The following NEGR1 variants were observed in gnomAD, a reference collection of about 807,000 sequenced individuals.
The protein encoded by NEGR1 is neuronal growth regulator 1, also known as IgLON family member 4.
Under a neutral mutation model 40.9 loss-of-function variants are expected in NEGR1, and 10 were observed. The ratio of observed to expected loss-of-function variants is 0.24; its 90% CI spans 0.15 to 0.42. The LOEUF (loss-of-function observed/expected upper bound fraction) is 0.42. Ranked by LOEUF, NEGR1 falls within the 10% of genes least tolerant of loss-of-function variation. The probability of loss-of-function intolerance (pLI) is 1.00; values close to 1 mark genes in which losing one functional copy is unlikely to be tolerated. For synonymous variants in NEGR1, 185 were observed against 166.8 expected (o/e 1.11, Z -0.84); for missense variants, 352 against 438.9 (o/e 0.80, Z 1.77).
At chr1:71,937,213 A>T (rs1645914161) in intron 1 of NEGR1, among the ~76,000 whole-genome samples, 1 of 152,178 alleles carries the variant, frequency 6.6e-6, no homozygotes, top group South Asian at 2.1e-4. Flanking sequence ...GTTAATTGAA[A>T]AGCTTGTCCT....
chr1:71,493,948 C>T (rs1291940887), intron 6 of NEGR1, among the ~76,000 whole-genome samples: 3 of 152,108 alleles, frequency 2.0e-5, no homozygotes, highest in Non-Finnish European at 4.4e-5. Context: ...TTCACATTTC[C>T]AATTCTTTCC....
At chr1:72,072,620 G>A (rs1432288400) in intron 1 of NEGR1, among the ~76,000 whole-genome samples, 2 of 152,020 alleles carry the variant, frequency 1.3e-5, no homozygotes, top group Non-Finnish European at 2.9e-5. Context: ...AATAAAAGCT[G>A]AGAAAAAAAT....
At chr1:71,617,360 T>TA (rs374045827) in intron 4 of NEGR1, among the ~76,000 whole-genome samples, 49 of 152,230 alleles carry the variant, frequency 3.2e-4, no homozygotes, top group African/African-American at 1.1e-3. Context: ...ATCACTGTGG[T>TA]ACACAATCTA....
chr1:71,742,712 C>A (rs1655252607), intron 3 of NEGR1, among the ~76,000 whole-genome samples: 1 of 152,132 alleles, frequency 6.6e-6, no homozygotes, highest in Non-Finnish European at 1.5e-5. Flanking sequence ...TTCAGTCACA[C>A]CCGTAACTGA....
intron 1 of NEGR1, chr1:72,275,218 A>T (rs1570213213): frequency 3.4e-6 from 2 of 592,880 alleles, no homozygotes; most frequent in East Asian, 5.6e-5. Context: ...AAATATCAAA[A>T]AATTTCTATT....
At chr1:71,431,618 T>C (rs1646470335) in intron 6 of NEGR1, among the ~76,000 whole-genome samples, 3 of 152,092 alleles carry the variant, frequency 2.0e-5, no homozygotes, top group African/African-American at 7.2e-5. Flanking sequence ...ATATAATGTA[T>C]ACTGGGTAAT....
chr1:72,128,448 A>G (rs1009590986), intron 1 of NEGR1, among the ~76,000 whole-genome samples: 1 of 152,174 alleles, frequency 6.6e-6, no homozygotes, highest in Non-Finnish European at 1.5e-5. Flanking sequence ...CAGAAGTGCT[A>G]TCTAACAGTA....
chr1:71,498,451 A>T (rs1310158334), intron 6 of NEGR1, among the ~76,000 whole-genome samples: 1 of 152,050 alleles, frequency 6.6e-6, no homozygotes, highest in Non-Finnish European at 1.5e-5. Flanking sequence ...TGTACATATT[A>T]TGCTTCAAGA....
At chr1:71,773,030 GTT>G (rs530966982) in intron 3 of NEGR1, among the ~76,000 whole-genome samples, 1 of 151,184 alleles carries the variant, frequency 6.6e-6, no homozygotes, top group African/African-American at 2.4e-5. Context: ...CAGGAAAGGT[GTT>G]TTTTTTTGGT....
At chr1:71,638,214 C>T (rs895419510) in intron 4 of NEGR1, among the ~76,000 whole-genome samples, 4 of 152,044 alleles carry the variant, frequency 2.6e-5, no homozygotes, top group African/African-American at 7.2e-5. Flanking sequence ...ACTACCTCTT[C>T]TTTGAAGCCC....
intron 3 of NEGR1, among the ~76,000 whole-genome samples, chr1:71,716,620 C>T (rs182595359): frequency 8.5e-5 from 13 of 152,066 alleles, no homozygotes; most frequent in Admixed American, 8.5e-4. Flanking sequence ...TTTTGTAAAC[C>T]CAAACCTACA....
intron 1 of NEGR1, among the ~76,000 whole-genome samples, chr1:72,051,814 C>T (rs190483955): frequency 7.9e-4 from 120 of 151,400 alleles, no homozygotes; most frequent in South Asian, 4.4e-3. Flanking sequence ...TCTACTGTCC[C>T]GAAAGTTGTC....
chr1:72,016,131 T>C (rs1039370710), intron 1 of NEGR1, among the ~76,000 whole-genome samples: 5 of 152,012 alleles, frequency 3.3e-5, no homozygotes, highest in Non-Finnish European at 7.4e-5. Context: ...CACTGATAGG[T>C]TTGAATCCCA....
intron 3 of NEGR1, among the ~76,000 whole-genome samples, chr1:71,767,621 C>T (rs1161135774): frequency 1.3e-5 from 2 of 152,114 alleles, no homozygotes; most frequent in African/African-American, 2.4e-5. Context: ...AAAAGTAAAG[C>T]CCATTTCAGA....
intron 4 of NEGR1, among the ~76,000 whole-genome samples, chr1:71,634,639 A>G (rs1223693593): frequency 3.9e-5 from 6 of 152,146 alleles, no homozygotes; most frequent in African/African-American, 1.4e-4. Flanking sequence ...TAGGACTAAA[A>G]GAAGAGAGTA....
chr1:71,941,346 A>AGC (rs1645957579), intron 1 of NEGR1, among the ~76,000 whole-genome samples: 1 of 151,934 alleles, frequency 6.6e-6, no homozygotes, highest in Admixed American at 6.6e-5. Context: ...TTTGTTTTTT[A>AGC]GGGCACTCTC....
intron 2 of NEGR1, among the ~76,000 whole-genome samples, chr1:71,814,161 A>T (rs1384251829): frequency 6.6e-6 from 1 of 152,040 alleles, no homozygotes; most frequent in African/African-American, 2.4e-5. Context: ...TTTATCAAAG[A>T]TCTTTCCTGA....
intron 3 of NEGR1, among the ~76,000 whole-genome samples, chr1:71,744,945 A>G (rs1655336947): frequency 6.6e-6 from 1 of 152,160 alleles, no homozygotes; most frequent in East Asian, 1.9e-4. Context: ...ACTATACTGC[A>G]CTTATTAGAT....
chr1:71,951,352 A>C (rs1042856821), intron 1 of NEGR1, among the ~76,000 whole-genome samples: 1 of 151,984 alleles, frequency 6.6e-6, no homozygotes, highest in African/African-American at 2.4e-5. Context: ...ATTAATGGGC[A>C]GGCAACTGTA....
Sources: gnomAD v4.1 joint callset for allele counts (sites outside exome capture counted in the v4.1 genomes callset) on GRCh38, gnomAD v4.1.1 for gene constraint, MANE v1.5 for transcripts, NCBI Gene and HGNC (gene_info 2026-07-23, HGNC 2026-07-21) for gene names.